The following IRGQ variants were observed in gnomAD, a reference collection of about 807,000 sequenced individuals.
IRGQ encodes the protein immunity related GTPase Q, also known as immunity-related GTPase family Q protein.
In IRGQ, 5 loss-of-function variants were observed where a neutral mutation model predicts 10.5. The ratio of observed to expected loss-of-function variants is 0.48; its 90% CI spans 0.25 to 1.00. The LOEUF (loss-of-function observed/expected upper bound fraction) is 1.00. IRGQ is among the 50% of genes least tolerant of loss of function. The pLI is 0.16. For missense variants in IRGQ, 792 were observed against 877.7 expected (o/e 0.90, Z 1.23); for synonymous variants, 418 against 426.0 (o/e 0.98, Z 0.23).
chr19:43,591,985 T>C lies in IRGQ; in HGVS notation c.*41A>G, dbSNP rs528338941. 2 of 1,535,708 alleles carry C rather than the reference T, an allele frequency of 1.3e-6. No homozygotes were observed. Among genetic ancestry groups the C allele is most frequent in the East Asian group, 2.3e-5 (1 of 43,934 alleles). Reference sequence around the variant, plus strand: ...AAGCACCCAGGATTAAGCCCAGGCATCCCCTGTCAGAGTCTGGACTCCCAA... The same window carrying C: ...AAGCACCCAGGATTAAGCCCAGGCACCCCCTGTCAGAGTCTGGACTCCCAA... On this transcript the variant is annotated 3_prime_UTR_variant, in exon 3 of 3. Transcript: ENST00000422989.
rs1394475761 is a variant in IRGQ at position 43,594,858 on chromosome 19, G to C, written c.481C>G (p.Leu161Val). 3.1e-6 allele frequency: 5 copies of C among 1,613,278 alleles called. No homozygotes were observed. The highest frequency in any genetic ancestry group is 4.2e-6 in the Non-Finnish European group (5 of 1,179,758). ...NCGSSDGCEE[L>V]ERLRAALQSQ... Reference sequence around the variant, plus strand: ...TGCAGCGCCGCCCGGAGGCGCTCTAGCTCCTCGCAGCCGTCGCTGCTGCCG... The same window carrying C: ...TGCAGCGCCGCCCGGAGGCGCTCTACCTCCTCGCAGCCGTCGCTGCTGCCG... The change falls in exon 2 of 3, where the codon CTA becomes GTA. Residue 161 changes from leucine (L) to valine (V), a missense_variant. Physicochemically the swap from Leu to Val is conservative, Grantham distance 32. Transcript: ENST00000422989.
In IRGQ at chr19:43,592,730, C is replaced by T; in HGVS notation, c.1168G>A (p.Gly390Ser). 1 of 1,611,642 alleles carries T rather than the reference C, an allele frequency of 6.2e-7. No homozygotes were observed. Among genetic ancestry groups the T allele is most frequent in the East Asian group, 2.2e-5 (1 of 44,874 alleles). The change falls in exon 3 of 3, where the codon GGC (glycine) becomes AGC (serine). Residue 390 changes from glycine to serine, a missense_variant. Gly to Ser is a moderately conservative substitution (Grantham distance 56). Transcript: ENST00000422989. ...ACAACCTGCTGCAAACCCTCGCTGC[C>T]AGCTTTCCCAGGACCTTCCCCGCTG... The part of the protein sequence containing the change: ...AGSGEGPGKA[G>S]SEGLQQVVGM...
At position 43,592,320 on chromosome 19, in the gene IRGQ, T is replaced by C; in HGVS notation, c.1578A>G (p.Ala526=). The C allele has an allele frequency of 6.4e-7, 1 of 1,570,254 alleles. No individual in the cohort carries two copies. The highest frequency in any genetic ancestry group is 1.1e-5 in the South Asian group (1 of 87,800). ...WRRGLGLEPT[A]LARRERALGL... Reference sequence around the variant, plus strand: ...CCAGGGCACGCTCACGTCGAGCCAGTGCCGTGGGTTCCAGCCCCAGGCCCC... The same window carrying C: ...CCAGGGCACGCTCACGTCGAGCCAGCGCCGTGGGTTCCAGCCCCAGGCCCC... Residue 526 remains alanine (A), a synonymous_variant, in exon 3 of 3, where the codon GCA becomes GCG. Transcript: ENST00000422989.
At chr19:43,595,458 G>GT in intron 1 of IRGQ, 118 bp from the exon 2 acceptor site, 1 of 940,360 alleles carries the variant, frequency 1.1e-6, no homozygotes, top group South Asian at 2.0e-5. Flanking sequence ...CGGTTCTTGA[G>GT]TGTCACTCTC....
chr19:43,587,929 C>A lies in IRGQ; in HGVS notation c.*4097G>T, dbSNP rs573939041. 2.6e-5 allele frequency: 4 copies of A among 151,840 alleles called. No individual in the cohort carries two copies. In the South Asian group the frequency reaches 8.3e-4, roughly 32 times the overall value. The allele number at this position is 151,840 out of a possible 1,614,324, so 9.4% of individuals were successfully genotyped here. ...TCAAAAAAAAAAAAAACTAAAAAAC[C>A]GATGACATGTTGAAATGCTATTTTG... On this transcript the variant is annotated 3_prime_UTR_variant, in exon 3 of 3. Transcript: ENST00000422989.
chr19:43,594,032 T>C (rs1973095716), intron 2 of IRGQ, among the ~76,000 whole-genome samples: 1 of 152,140 alleles, frequency 6.6e-6, no homozygotes, highest in African/African-American at 2.4e-5. Context: ...AGCCAGCAAG[T>C]GGGCACAGAA....
chr19:43,592,959 CCA>C lies in IRGQ; in HGVS notation c.937_938del (p.Trp313GlyfsTer55). On this transcript the variant is annotated frameshift_variant, in exon 3 of 3. Transcript: ENST00000422989. LOFTEE classifies it low-confidence loss of function (END_TRUNC). Reference sequence around the variant, plus strand: ...GTAGCAGCAAGGCCTGGACCTGGGCCCAGTCCTTCTCAGTGGGGGCCCCAGGG... The same window carrying C: ...GTAGCAGCAAGGCCTGGACCTGGGCCGTCCTTCTCAGTGGGGGCCCCAGGG... ...VTPGAPTEKDWAQVQALLLPD... is the reference protein window; with the variant it reads ...VTPGAPTEKDXAQVQALLLPD... The C allele has an allele frequency of 1.2e-6, 2 of 1,609,720 alleles. No individual in the cohort carries two copies. Among genetic ancestry groups the C allele is most frequent in the Non-Finnish European group, 1.7e-6 (2 of 1,179,990 alleles).
Position 43,592,014 on chromosome 19 carries a change from C to T in IRGQ, c.*12G>A. ...CTGTCAGAGTCTGGACTCCCAAGCC[C>T]CCTCCCACTCCTCACTGGGCAGGCT... is the stretch of plus-strand genomic sequence containing the variant. On this transcript the variant is annotated 3_prime_UTR_variant, in exon 3 of 3. Transcript: ENST00000422989. 1.3e-6 allele frequency: 2 copies of T among 1,571,688 alleles called. No individual in the cohort carries two copies. The highest frequency in any genetic ancestry group is 3.4e-4 in the Middle Eastern group (2 of 5,862).
Position 43,596,020 on chromosome 19 carries a change from T to G in IRGQ, c.-41A>C, listed in dbSNP as rs1180095500. 1 of 152,186 alleles carries G rather than the reference T, an allele frequency of 6.6e-6. No individual in the cohort carries two copies. The highest frequency in any genetic ancestry group is 1.5e-5 in the Non-Finnish European group (1 of 68,054). 9.4% of individuals were successfully genotyped at this position (152,186 alleles called of 1,614,324 possible). A position where few individuals can be genotyped will look rare whatever the true frequency, so the allele number is the denominator to read the frequency against. On this transcript the variant is annotated 5_prime_UTR_variant, in exon 1 of 3. Transcript: ENST00000422989. ...GACCCACGGGAGAGAGCGCAGTCGG[T>G]GGCAGTAGGTCAGCAGCTGAGAAGC...
Position 43,586,161 on chromosome 19 carries a change from C to T in IRGQ, c.*5865G>A, listed in dbSNP as rs1972992536. On this transcript the variant is annotated 3_prime_UTR_variant, in exon 3 of 3. Coordinates refer to ENST00000422989, the MANE Select transcript of IRGQ (RefSeq NM_001007561.3). ...CAATGCCAAAATTCATCATACATTT[C>T]CTTGAATTCCTGCCTTCAAGGGTCT... The T allele has an allele frequency of 6.6e-6, 1 of 152,196 alleles. No individual in the cohort carries two copies. The highest frequency in any genetic ancestry group is 1.5e-5 in the Non-Finnish European group (1 of 68,050). 9.4% of individuals were successfully genotyped at this position (152,196 alleles called of 1,614,324 possible). A position where few individuals can be genotyped will look rare whatever the true frequency, so the allele number is the denominator to read the frequency against.
At chr19:43,594,035 G>C (rs750279390) in intron 2 of IRGQ, among the ~76,000 whole-genome samples, 8 of 152,234 alleles carry the variant, frequency 5.3e-5, no homozygotes, top group Non-Finnish European at 8.8e-5. Context: ...CAGCAAGTGG[G>C]CACAGAAACA....
At position 43,592,610 on chromosome 19, in the gene IRGQ, G is replaced by C; in HGVS notation, c.1288C>G (p.Pro430Ala). Residue 430 changes from proline to alanine, a missense_variant, in exon 3 of 3, where the codon CCA (proline) becomes GCA (alanine). Pro to Ala is a conservative substitution (Grantham distance 27). Transcript: ENST00000422989. ...CCGCCAGGCCGTAGGGGGAACACTG[G>C]CGGCGGCGCCTCCTCCAGCACCTCC... ...TWEVLEEAPP[P>A]VFPLRPGGLP... is the part of the protein sequence containing the mutation. 6.2e-7 allele frequency: 1 copy of C among 1,601,356 alleles called. No individual in the cohort carries two copies. The highest frequency in any genetic ancestry group is 8.5e-7 in the Non-Finnish European group (1 of 1,179,844).
At chr19:43,594,736 C>T in intron 2 of IRGQ, 73 bp downstream of exon 2, 1 of 1,334,108 alleles carries the variant, frequency 7.5e-7, no homozygotes, top group Admixed American at 2.1e-5. Context: ...GGAGGGATCT[C>T]ATGGACCTCC....
chr19:43,593,775 A>T lies in IRGQ; in HGVS notation c.531-408T>A, dbSNP rs1371190760. Among the ~76,000 whole-genome samples the T allele has an allele frequency of 6.6e-6, 1 of 152,190 alleles. No individual in the cohort carries two copies. The highest frequency in any genetic ancestry group is 2.4e-5 in the African/African-American group (1 of 41,440). On this transcript the variant is annotated intron_variant, in intron 2 of 2. Transcript: ENST00000422989. The surrounding 1 kb of genome is among the most constrained non-coding windows in gnomAD (Gnocchi z 6.4). ...TGTATTGTGGCCTAAACACAAGTCCAGCACTATTTGAGACAAGGTCCCCAA... is the reference window on the plus strand; with the variant it reads ...TGTATTGTGGCCTAAACACAAGTCCTGCACTATTTGAGACAAGGTCCCCAA...
chr19:43,595,371 T>G (rs1320409379), intron 1 of IRGQ, 31 bp from the exon 2 acceptor site: 3 of 1,509,630 alleles, frequency 2.0e-6, no homozygotes, highest in Non-Finnish European at 8.8e-7. Context: ...AAGACCTGGG[T>G]CAGGGAGCAC....
Position 43,591,955 on chromosome 19 carries a change from C to T in IRGQ, c.*71G>A. On this transcript the variant is annotated 3_prime_UTR_variant, in exon 3 of 3. Transcript: ENST00000422989. Reference sequence around the variant, plus strand: ...AGCTGGAAGTCAAGAGTCCACATCCCCTTCAAGCACCCAGGATTAAGCCCA... The same window carrying T: ...AGCTGGAAGTCAAGAGTCCACATCCTCTTCAAGCACCCAGGATTAAGCCCA... 2.0e-6 allele frequency: 3 copies of T among 1,477,066 alleles called. No homozygotes were observed. The highest frequency in any genetic ancestry group is 2.7e-6 in the Non-Finnish European group (3 of 1,096,062). 91.5% of individuals were successfully genotyped at this position (1,477,066 alleles called of 1,614,324 possible). A position where few individuals can be genotyped will look rare whatever the true frequency, so the allele number is the denominator to read the frequency against.
chr19:43,594,839 G>A lies in IRGQ; in HGVS notation c.500C>T (p.Ala167Val). 2.5e-6 allele frequency: 4 copies of A among 1,611,966 alleles called. No homozygotes were observed. Among genetic ancestry groups the A allele is most frequent in the South Asian group, 1.1e-5 (1 of 90,976 alleles). Reference sequence around the variant, plus strand: ...CAGCGCTTCTGCCTGGCTCTGCAGCGCCGCCCGGAGGCGCTCTAGCTCCTC... The same window carrying A: ...CAGCGCTTCTGCCTGGCTCTGCAGCACCGCCCGGAGGCGCTCTAGCTCCTC... Reference protein sequence around the residue: ...GCEELERLRAALQSQAEALRR... With the variant: ...GCEELERLRAVLQSQAEALRR... Residue 167 changes from alanine to valine, a missense_variant, in exon 2 of 3, where the codon GCG becomes GTG. Ala to Val is a moderately conservative substitution (Grantham distance 64, BLOSUM62 0). Coordinates refer to ENST00000422989, the MANE Select transcript of IRGQ (RefSeq NM_001007561.3).
In IRGQ at chr19:43,590,542, G is replaced by T. The variant is rs554645914; in HGVS notation, c.*1484C>A. ...GTCTCAAGTGCCTGACCACCCATTT[G>T]GTGGGCCCCTGGCTCAATGCAGCAC... is the stretch of plus-strand genomic sequence containing the variant. On this transcript the variant is annotated 3_prime_UTR_variant, in exon 3 of 3. Coordinates refer to ENST00000422989, the MANE Select transcript of IRGQ (RefSeq NM_001007561.3). 6.6e-6 allele frequency: 1 copy of T among 152,348 alleles called. No homozygotes were observed. Among genetic ancestry groups the T allele is most frequent in the African/African-American group, 2.4e-5 (1 of 41,548 alleles). 9.4% of individuals were successfully genotyped at this position (152,348 alleles called of 1,614,324 possible). A position where few individuals can be genotyped will look rare whatever the true frequency, so the allele number is the denominator to read the frequency against.
At position 43,587,818 on chromosome 19, in the gene IRGQ, A is replaced by C. The variant is rs765064288; in HGVS notation, c.*4208T>G. On this transcript the variant is annotated 3_prime_UTR_variant, in exon 3 of 3. Coordinates refer to ENST00000422989, the MANE Select transcript of IRGQ (RefSeq NM_001007561.3). ...CTACTCGGGAGGCTGAGGCAGGAGA[A>C]TCACTTGAACCTGGAAGGTGGAGGT... 4.0e-5 allele frequency: 6 copies of C among 151,554 alleles called. No individual in the cohort carries two copies. The highest frequency in any genetic ancestry group is 8.8e-5 in the Non-Finnish European group (6 of 67,886). 9.4% of individuals were successfully genotyped at this position (151,554 alleles called of 1,614,324 possible). A position where few individuals can be genotyped will look rare whatever the true frequency, so the allele number is the denominator to read the frequency against.
Sources: gnomAD v4.1 joint callset for allele counts (sites outside exome capture counted in the v4.1 genomes callset) on GRCh38, gnomAD v4.1.1 for gene constraint, Gnocchi (gnomAD v3.1) non-coding constraint, MANE v1.5 for transcripts, NCBI Gene and HGNC (gene_info 2026-07-23, HGNC 2026-07-21) for gene names.